The following TUT4 variants were observed in gnomAD, a reference collection of about 807,000 sequenced individuals.
TUT4 encodes the protein terminal uridylyl transferase 4, also known as terminal uridylyltransferase 4.
A neutral mutation model predicts 192.2 loss-of-function variants in TUT4; 36 were observed. The observed-to-expected ratio is 0.19, with a 90% CI of 0.14 to 0.25. The LOEUF is 0.25. TUT4 is among the 10% of genes least tolerant of loss of function. The pLI, the probability that TUT4 is intolerant of heterozygous loss-of-function variation, is 1.00. For missense variants in TUT4, 1,493 were observed against 1,957.2 expected (o/e 0.76, Z 4.47); for synonymous variants, 618 against 666.0 (o/e 0.93, Z 1.11).
chr1:52,489,835 C>T (rs538191440), intron 8 of TUT4, among the ~76,000 whole-genome samples: 4 of 152,246 alleles, frequency 2.6e-5, no homozygotes, highest in Middle Eastern at 3.4e-3. Flanking sequence ...TGAACTAGAT[C>T]GCCATAGACT....
At position 52,423,577 on chromosome 1, in the gene TUT4, T is replaced by A. The variant is rs1408787321; in HGVS notation, c.*358A>T. 2.3e-5 allele frequency: 7 copies of A among 300,936 alleles called. No individual in the cohort carries two copies. Among genetic ancestry groups the A allele is most frequent in the Middle Eastern group, 1.2e-3 (1 of 838 alleles). 18.6% of individuals were successfully genotyped at this position (300,936 alleles called of 1,614,324 possible). ...AATACAGCTAATAGAAAATAAAGAA[T>A]GTAATTTTTTAAATTCTCTCTTTAT... On this transcript the variant is annotated 3_prime_UTR_variant, in exon 30 of 30. Transcript: ENST00000257177.
chr1:52,531,000 T>C (rs1683238580), intron 1 of TUT4, among the ~76,000 whole-genome samples: 1 of 151,970 alleles, frequency 6.6e-6, no homozygotes, highest in Non-Finnish European at 1.5e-5. Context: ...CCAGAACTTG[T>C]CTCAAAAAAA....
At chr1:52,533,898 G>A (rs371257265) in intron 1 of TUT4, among the ~76,000 whole-genome samples, 3 of 152,294 alleles carry the variant, frequency 2.0e-5, no homozygotes, top group South Asian at 2.1e-4. Flanking sequence ...CCTGGGAGGC[G>A]GAGATTGCAG....
At chr1:52,500,715 T>C (rs146356047) in intron 4 of TUT4, among the ~76,000 whole-genome samples, 8 of 152,256 alleles carry the variant, frequency 5.3e-5, no homozygotes, top group Non-Finnish European at 7.4e-5. Context: ...TGAGCCGAGA[T>C]TGTGCCATTG....
intron 1 of TUT4, among the ~76,000 whole-genome samples, chr1:52,545,249 C>A: frequency 6.6e-6 from 1 of 151,208 alleles, no homozygotes. Flanking sequence ...TAGTGGCAAG[C>A]GCCTGTAATC....
intron 4 of TUT4, among the ~76,000 whole-genome samples, chr1:52,498,901 A>T (rs1570981732): frequency 8.2e-5 from 6 of 73,314 alleles, no homozygotes; most frequent in African/African-American, 1.1e-4. Flanking sequence ...AAAAAAAAAA[A>T]TTATATATAT....
chr1:52,524,153 G>C (rs1372667826), intron 2 of TUT4, among the ~76,000 whole-genome samples: 1 of 152,122 alleles, frequency 6.6e-6, no homozygotes, highest in African/African-American at 2.4e-5. Flanking sequence ...ACCAATCCCT[G>C]CTTCCAGTCC....
chr1:52,484,708 C>G (rs1393152043), intron 9 of TUT4, among the ~76,000 whole-genome samples: 1 of 152,136 alleles, frequency 6.6e-6, no homozygotes, highest in Non-Finnish European at 1.5e-5. Flanking sequence ...GCATTCTATT[C>G]TGTTCCACAG....
In TUT4 at chr1:52,423,616, G is replaced by T. The variant is rs1021535150; in HGVS notation, c.*319C>A. ...TTCTCTCTTTATACAATTCATCAAG[G>T]TTAAACAAAACATAAAATTCCCTTA... On this transcript the variant is annotated 3_prime_UTR_variant, in exon 30 of 30. Coordinates refer to ENST00000257177, the MANE Select transcript of TUT4 (RefSeq NM_001009881.3). 4 of 388,602 alleles carry T rather than the reference G, an allele frequency of 1.0e-5. No individual in the cohort carries two copies. The highest frequency in any genetic ancestry group is 2.1e-5 in the African/African-American group (1 of 48,112). 24.1% of individuals were successfully genotyped at this position (388,602 alleles called of 1,614,324 possible).
chr1:52,461,832 T>G, intron 16 of TUT4, 63 bp from the exon 17 acceptor site: 1 of 965,996 alleles, frequency 1.0e-6, no homozygotes, highest in Non-Finnish European at 1.5e-6. Flanking sequence ...TCTACTTTAA[T>G]CTAAGCATTT....
chr1:52,544,348 C>T (rs1056865059), intron 1 of TUT4, among the ~76,000 whole-genome samples: 1 of 151,126 alleles, frequency 6.6e-6, no homozygotes, highest in Non-Finnish European at 1.5e-5. Context: ...TACATACAGA[C>T]AGACCAATGG....
At chr1:52,444,230 C>T (rs945219625) in intron 24 of TUT4, among the ~76,000 whole-genome samples, 1 of 151,854 alleles carries the variant, frequency 6.6e-6, no homozygotes. Context: ...GAGACTCCGT[C>T]TCAAAAAAAG....
intron 20 of TUT4, among the ~76,000 whole-genome samples, chr1:52,449,376 G>A (rs189706997): frequency 1.1e-4 from 17 of 152,280 alleles, no homozygotes; most frequent in Admixed American, 3.9e-4. Context: ...TCAGCTCACT[G>A]CAACCTCCAC....
At chr1:52,478,077 T>C (rs1667549174) in intron 11 of TUT4, among the ~76,000 whole-genome samples, 195 bp from the exon 12 acceptor site, 1 of 152,182 alleles carries the variant, frequency 6.6e-6, no homozygotes, top group Admixed American at 6.5e-5. Context: ...TTCTGCATTC[T>C]TTCCACTGAA....
chr1:52,546,681 ATGTTG>A (rs1358108009), intron 1 of TUT4, among the ~76,000 whole-genome samples: 1 of 152,228 alleles, frequency 6.6e-6, no homozygotes, highest in African/African-American at 2.4e-5. Context: ...TTAAGATGAT[ATGTTG>A]TGTTATGTAT....
At chr1:52,443,113 G>A (rs1396239688) in intron 24 of TUT4, among the ~76,000 whole-genome samples, 4 of 151,534 alleles carry the variant, frequency 2.6e-5, no homozygotes, top group East Asian at 2.0e-4. Flanking sequence ...GCGAAACCCC[G>A]TCTCTACTAA....
At chr1:52,532,333 C>CT (rs59071246) in intron 1 of TUT4, among the ~76,000 whole-genome samples, 2,570 of 145,726 alleles carry the variant, frequency 0.018, 33 homozygotes, top group Non-Finnish European at 0.026. Flanking sequence ...TTTGTTTTAG[C>CT]TTTTTTTTTT....
intron 1 of TUT4, among the ~76,000 whole-genome samples, chr1:52,537,655 G>C (rs1187938625): frequency 6.6e-6 from 1 of 151,994 alleles, no homozygotes; most frequent in Non-Finnish European, 1.5e-5. Flanking sequence ...GCTCATGCCT[G>C]TAATCTCAGC....
rs780171701 is a variant in TUT4 at position 52,436,890 on chromosome 1, G to A, written c.4027C>T (p.Pro1343Ser). ...EEKDSRDVLD[P>S]RDLHDTRDFR... The stretch of plus-strand genomic sequence containing the variant: ...TCTCGAGTATCGTGGAGGTCTCGGG[G>A]GTCAAGAACATCTCGGGAATCTTTC... The change falls in exon 26 of 30, where the codon CCC (proline) becomes TCC (serine). Residue 1343 changes from proline (P) to serine (S), a missense_variant. Around this residue, in one of 7 missense-constraint regions of TUT4, gnomAD observed 351 missense variants for 397.8 expected, o/e 0.88. Coordinates refer to ENST00000257177, the MANE Select transcript of TUT4 (RefSeq NM_001009881.3). The A allele has an allele frequency of 6.2e-7, 1 of 1,613,734 alleles. No homozygotes were observed. Among genetic ancestry groups the A allele is most frequent in the Non-Finnish European group, 8.5e-7 (1 of 1,179,908 alleles).
Sources: allele counts gnomAD v4.1 joint callset (sites outside exome capture counted in the v4.1 genomes callset), GRCh38; gene constraint gnomAD v4.1.1; regional missense constraint gnomAD v4.1.1; transcripts MANE v1.5; gene names NCBI Gene and HGNC (gene_info 2026-07-23, HGNC 2026-07-21).